Variants in PTPRD observed in about 807,000 individuals in gnomAD.
The protein encoded by PTPRD is receptor-type tyrosine-protein phosphatase delta.
Under a neutral mutation model 214.5 loss-of-function variants are expected in PTPRD, and 34 were observed. The observed-to-expected ratio is 0.16, with a 90% CI of 0.12 to 0.21. The LOEUF is 0.21. Ranked by LOEUF, PTPRD falls within the 10% of genes least tolerant of loss-of-function variation. The pLI is 1.00. For synonymous variants in PTPRD, 1,128 were observed against 845.7 expected (o/e 1.33, Z -5.79); for missense variants, 2,545 against 2,398.7 (o/e 1.06, Z -1.27).
At chr9:9,413,548 C>T (rs1158309202) in intron 8 of PTPRD, among the ~76,000 whole-genome samples, 1 of 152,100 alleles carries the variant, frequency 6.6e-6, no homozygotes, top group African/African-American at 2.4e-5. Flanking sequence ...AAGGCTTATT[C>T]ATCATTATCC....
intron 11 of PTPRD, among the ~76,000 whole-genome samples, chr9:8,805,802 T>A (rs528582247): frequency 1.3e-5 from 2 of 151,312 alleles, no homozygotes; most frequent in Admixed American, 1.3e-4. Flanking sequence ...GAGACCATCC[T>A]GGCTAACACA....
intron 43 of PTPRD, among the ~76,000 whole-genome samples, chr9:8,332,051 C>T (rs1841910649): frequency 6.6e-6 from 1 of 152,118 alleles, no homozygotes; most frequent in Non-Finnish European, 1.5e-5. Context: ...TTCTGAGACC[C>T]AAAGTGGGGG....
At chr9:8,728,245 C>T (rs937693445) in intron 12 of PTPRD, among the ~76,000 whole-genome samples, 1 of 151,922 alleles carries the variant, frequency 6.6e-6, no homozygotes, top group Admixed American at 6.6e-5. Context: ...AGCAAAACTC[C>T]ATCTCGAAAA....
At chr9:9,772,324 C>T (rs185015067) in intron 5 of PTPRD, among the ~76,000 whole-genome samples, 14 of 152,246 alleles carry the variant, frequency 9.2e-5, no homozygotes, top group Admixed American at 9.2e-4. Flanking sequence ...TGAAAACATA[C>T]ATTTCTGTGG....
At chr9:9,888,661 G>A (rs542433040) in intron 5 of PTPRD, among the ~76,000 whole-genome samples, 1 of 152,022 alleles carries the variant, frequency 6.6e-6, no homozygotes, top group Non-Finnish European at 1.5e-5. Flanking sequence ...TGCCATGAGC[G>A]AAAGCTTCCT....
At chr9:8,910,282 C>T (rs1357295439) in intron 11 of PTPRD, among the ~76,000 whole-genome samples, 2 of 152,012 alleles carry the variant, frequency 1.3e-5, no homozygotes, top group Non-Finnish European at 2.9e-5. Flanking sequence ...CGTGATCCGC[C>T]CACCTCAGCC....
chr9:8,621,930 C>T (rs1472795309), intron 14 of PTPRD, among the ~76,000 whole-genome samples: 1 of 151,796 alleles, frequency 6.6e-6, no homozygotes, highest in Non-Finnish European at 1.5e-5. Flanking sequence ...ATGGCCTTTC[C>T]TCAAGGGTTA....
At chr9:10,398,856 G>A (rs1192249780) in intron 2 of PTPRD, among the ~76,000 whole-genome samples, 1 of 151,926 alleles carries the variant, frequency 6.6e-6, no homozygotes, top group Non-Finnish European at 1.5e-5. Context: ...TGAGAAAACT[G>A]AGGCATAAAA....
intron 2 of PTPRD, among the ~76,000 whole-genome samples, chr9:10,473,324 T>TC (rs2099043100): frequency 6.6e-6 from 1 of 152,094 alleles, no homozygotes; most frequent in South Asian, 2.1e-4. Context: ...AAGCACATCT[T>TC]CCCCTCAAAA....
At chr9:8,917,781 T>G (rs982844219) in intron 11 of PTPRD, among the ~76,000 whole-genome samples, 11 of 152,182 alleles carry the variant, frequency 7.2e-5, no homozygotes, top group African/African-American at 2.7e-4. Context: ...CATAATTAAA[T>G]GGAACATTTG....
chr9:9,757,299 A>G (rs999333405), intron 6 of PTPRD, among the ~76,000 whole-genome samples: 9 of 152,298 alleles, frequency 5.9e-5, no homozygotes, highest in African/African-American at 1.4e-4. Context: ...ATGCACATAA[A>G]TCTATTTAAA....
chr9:9,942,564 C>T (rs2091757911), intron 4 of PTPRD, among the ~76,000 whole-genome samples: 3 of 152,150 alleles, frequency 2.0e-5, no homozygotes, highest in South Asian at 4.2e-4. Context: ...AGATATAGTG[C>T]CCAATTTCCT....
chr9:10,075,760 A>G (rs1320490099), intron 3 of PTPRD, among the ~76,000 whole-genome samples: 1 of 152,094 alleles, frequency 6.6e-6, no homozygotes, highest in African/African-American at 2.4e-5. Flanking sequence ...TCTTTGTAAA[A>G]TTGAAGCTTT....
intron 2 of PTPRD, among the ~76,000 whole-genome samples, chr9:10,512,723 G>C (rs575006359): frequency 1.3e-5 from 2 of 151,954 alleles, no homozygotes; most frequent in Non-Finnish European, 2.9e-5. Flanking sequence ...GTGAGGTTTT[G>C]GAGAAAAATA....
chr9:9,533,633 A>G (rs1035380064), intron 8 of PTPRD, among the ~76,000 whole-genome samples: 8 of 152,134 alleles, frequency 5.3e-5, no homozygotes. Context: ...TGCTTCAAAT[A>G]ACACTTAATT....
At chr9:9,814,959 C>G (rs1043720293) in intron 5 of PTPRD, among the ~76,000 whole-genome samples, 3 of 151,844 alleles carry the variant, frequency 2.0e-5, no homozygotes, top group Non-Finnish European at 4.4e-5. Flanking sequence ...GCCACCACAC[C>G]TGACTAATTT....
chr9:8,804,010 T>A (rs925448927), intron 11 of PTPRD, among the ~76,000 whole-genome samples: 3 of 152,082 alleles, frequency 2.0e-5, no homozygotes, highest in Non-Finnish European at 1.5e-5. Context: ...TGGAGTGTAG[T>A]GGTGCAATCT....
chr9:8,438,571 C>T (rs935416368), intron 34 of PTPRD: 2 of 152,038 alleles, frequency 1.3e-5, no homozygotes, highest in Admixed American at 6.6e-5. Flanking sequence ...AGATGAGGCA[C>T]CCCCAACGAA....
At position 8,609,817 on chromosome 9, in the gene PTPRD, T is replaced by G. The variant is rs573134487; in HGVS notation, c.352+23500A>C. ...TATTTTGAGGTTTTCCCTTAATCAT[T>G]TGACTTTTTCCTTCCTTTTAACCGT... On this transcript the variant is annotated intron_variant, in intron 14 of 45. Transcript: ENST00000381196. Among the ~76,000 whole-genome samples, 4 of 152,326 alleles carry G rather than the reference T, an allele frequency of 2.6e-5. No individual in the cohort carries two copies. In the South Asian group the frequency reaches 8.3e-4, roughly 32 times the overall value.
Sources: gnomAD v4.1 joint callset for allele counts (sites outside exome capture counted in the v4.1 genomes callset) on GRCh38, gnomAD v4.1.1 for gene constraint, MANE v1.5 for transcripts, NCBI Gene and HGNC (gene_info 2026-07-23, HGNC 2026-07-21) for gene names.